SAMD5: variants seen among roughly 807,000 people sequenced by gnomAD.
The protein encoded by SAMD5 is sterile alpha motif domain-containing protein 5.
Under a neutral mutation model 11.3 loss-of-function variants are expected in SAMD5, and 13 were observed. The observed-to-expected ratio is 1.15, with a 90% CI of 0.75 to 1.83. The LOEUF (loss-of-function observed/expected upper bound fraction) is 1.83. SAMD5 is among the 40% of genes most tolerant of loss of function. SAMD5 has a pLI of 0.00. For missense variants in SAMD5, 255 were observed against 239.1 expected, an observed-to-expected ratio of 1.07 and a Z score of -0.44; for synonymous variants, 129 against 111.3, an observed-to-expected ratio of 1.16 and a Z score of -1.00.
chr6:147,604,481 T>C (rs1434657190), intron 1 of SAMD5, among the ~76,000 whole-genome samples: 1 of 152,178 alleles, frequency 6.6e-6, no homozygotes, highest in African/African-American at 2.4e-5. Flanking sequence ...AAAATCACGT[T>C]CAAGAGAGGG....
the SAMD5 span, among the ~76,000 whole-genome samples, chr6:147,773,164 G>A: frequency 3.3e-5 from 5 of 152,166 alleles, no homozygotes; most frequent in African/African-American, 4.8e-5. Context: ...TGCTGGCTCT[G>A]CCTGATTTTG....
intron 1 of SAMD5, among the ~76,000 whole-genome samples, chr6:147,575,575 T>G (rs938038038): frequency 2.6e-5 from 4 of 152,264 alleles, no homozygotes; most frequent in African/African-American, 9.6e-5. Context: ...TTTGAAAATA[T>G]GTGCATTCAA....
chr6:147,952,080 T>C, the SAMD5 span, among the ~76,000 whole-genome samples: 1 of 152,170 alleles, frequency 6.6e-6, no homozygotes, highest in Non-Finnish European at 1.5e-5. Flanking sequence ...GGAAGTTCTT[T>C]CAGTTTTTAT....
intron 1 of SAMD5, among the ~76,000 whole-genome samples, chr6:147,602,781 CAA>C (rs5880716): frequency 6.6e-6 from 1 of 150,570 alleles, no homozygotes; most frequent in Non-Finnish European, 1.5e-5. Context: ...ACCAACCAAA[CAA>C]AAAAAAAACT....
chr6:147,523,793 A>T (rs537914196), intron 1 of SAMD5, among the ~76,000 whole-genome samples: 1 of 152,214 alleles, frequency 6.6e-6, no homozygotes, highest in Non-Finnish European at 1.5e-5. Context: ...TCTGTTAATT[A>T]CCTGCACAGC....
intron 1 of SAMD5, among the ~76,000 whole-genome samples, chr6:147,552,830 T>C (rs890721763): frequency 6.6e-6 from 1 of 152,310 alleles, no homozygotes; most frequent in Non-Finnish European, 1.5e-5. Flanking sequence ...AGGGCATGCT[T>C]CACAAAGCTA....
chr6:147,759,639 T>G, the SAMD5 span, among the ~76,000 whole-genome samples: 2 of 151,394 alleles, frequency 1.3e-5, no homozygotes, highest in East Asian at 3.9e-4. Flanking sequence ...AAATAAAAAC[T>G]GCCAACTTCA....
the SAMD5 span, among the ~76,000 whole-genome samples, chr6:147,792,145 C>T: frequency 6.6e-6 from 1 of 152,014 alleles, no homozygotes; most frequent in Non-Finnish European, 1.5e-5. Flanking sequence ...ATTTATGAAA[C>T]AACGTTACTG....
chr6:147,591,326 G>A (rs1457514248), intron 1 of SAMD5, among the ~76,000 whole-genome samples: 2 of 152,186 alleles, frequency 1.3e-5, no homozygotes, highest in Non-Finnish European at 2.9e-5. Context: ...CTGCTTCAGA[G>A]CGTGCACTAC....
intron 1 of SAMD5, among the ~76,000 whole-genome samples, chr6:147,636,750 G>T (rs896693148): frequency 1.3e-5 from 2 of 152,184 alleles, no homozygotes; most frequent in East Asian, 1.9e-4. Flanking sequence ...TAAAGGGTCA[G>T]CCATGTGGTT....
the SAMD5 span, among the ~76,000 whole-genome samples, chr6:147,834,231 G>T: frequency 6.6e-6 from 1 of 152,004 alleles, no homozygotes; most frequent in African/African-American, 2.4e-5. Flanking sequence ...TCTCATATGA[G>T]TTATAGCATA....
chr6:147,621,144 G>A (rs1164692411), intron 1 of SAMD5, among the ~76,000 whole-genome samples: 7 of 152,216 alleles, frequency 4.6e-5, no homozygotes, highest in Admixed American at 4.6e-4. Context: ...GCAGAATGAT[G>A]TAATCAGAGC....
chr6:147,898,755 G>A, the SAMD5 span, among the ~76,000 whole-genome samples: 5 of 152,062 alleles, frequency 3.3e-5, no homozygotes, highest in South Asian at 8.3e-4. Flanking sequence ...TGTAACTTAT[G>A]TATTCATATG....
chr6:147,643,386 A>T (rs1327271954), intron 1 of SAMD5, among the ~76,000 whole-genome samples: 2 of 152,170 alleles, frequency 1.3e-5, no homozygotes, highest in East Asian at 3.8e-4. Flanking sequence ...AAAGGGGAAA[A>T]AAACAACTAA....
intron 1 of SAMD5, among the ~76,000 whole-genome samples, chr6:147,529,908 T>C (rs886505568): frequency 1.3e-5 from 2 of 152,246 alleles, no homozygotes; most frequent in Non-Finnish European, 2.9e-5. Context: ...ACTGAGATAC[T>C]TATGATCTGT....
the SAMD5 span, among the ~76,000 whole-genome samples, chr6:147,930,390 T>C: frequency 3.3e-5 from 5 of 152,132 alleles, no homozygotes; most frequent in South Asian, 1.0e-3. Context: ...CAAGTGTCTT[T>C]ATAGCCACTC....
the SAMD5 span, among the ~76,000 whole-genome samples, chr6:147,943,101 G>A: frequency 5.3e-5 from 8 of 152,098 alleles, no homozygotes; most frequent in African/African-American, 1.2e-4. Context: ...GATTACAGGT[G>A]TGAGCCACCA....
In SAMD5 at chr6:147,646,305, G is replaced by A. The variant is rs566363635; in HGVS notation, c.163-91012G>A. On this transcript the variant is annotated intron_variant, in intron 1 of 1. Transcript: ENST00000566741. ...CATGCCACTGCACTCCAGCCTGGGC[G>A]ACAGAGTGAGGCCCTATCGCAAAAA... Among the ~76,000 whole-genome samples, 18 of 152,096 alleles carry A rather than the reference G, an allele frequency of 1.2e-4. No homozygotes were observed. In the South Asian group the frequency reaches 1.5e-3, roughly 12 times the overall value.
At chr6:147,882,277 A>G in the SAMD5 span, among the ~76,000 whole-genome samples, 1 of 152,152 alleles carries the variant, frequency 6.6e-6, no homozygotes, top group East Asian at 1.9e-4. Context: ...TCATTATTTT[A>G]TAGAGCAGGA....
Sources: allele counts gnomAD v4.1 joint callset (sites outside exome capture counted in the v4.1 genomes callset), GRCh38; gene constraint gnomAD v4.1.1; transcripts MANE v1.5; gene names NCBI Gene and HGNC (gene_info 2026-07-23, HGNC 2026-07-21).